Variants in RSRC1 observed in about 807,000 individuals in gnomAD.
RSRC1 encodes arginine and serine rich coiled-coil 1.
A neutral mutation model predicts 49.1 loss-of-function variants in RSRC1; 39 were observed. That is an observed-to-expected ratio of 0.79 (90% CI 0.61 to 1.04). The LOEUF (loss-of-function observed/expected upper bound fraction) is 1.04. Ranked by LOEUF, RSRC1 falls within the 50% of genes least tolerant of loss-of-function variation. RSRC1 has a pLI of 0.00. For synonymous variants in RSRC1, 143 were observed against 130.8 expected, an observed-to-expected ratio of 1.09 and a Z score of -0.63; for missense variants, 388 against 402.4, an observed-to-expected ratio of 0.96 and a Z score of 0.31.
chr3:158,428,946 C>T (rs1051642465), intron 6 of RSRC1, among the ~76,000 whole-genome samples: 8 of 151,788 alleles, frequency 5.3e-5, no homozygotes, highest in Admixed American at 4.6e-4. Flanking sequence ...TTATGCAGGT[C>T]GAAAGGCAGG....
intron 4 of RSRC1, among the ~76,000 whole-genome samples, chr3:158,223,888 C>G (rs1722365146): frequency 1.3e-5 from 2 of 151,638 alleles, no homozygotes; most frequent in African/African-American, 4.8e-5. Context: ...GGTTCTCATT[C>G]TCATTATTTA....
chr3:158,472,355 T>TA (rs1411989351), intron 7 of RSRC1, among the ~76,000 whole-genome samples: 1 of 152,134 alleles, frequency 6.6e-6, no homozygotes. Context: ...AAGCATCATG[T>TA]TTTTTAAATA....
At chr3:158,340,581 CT>C (rs1730181134) in intron 5 of RSRC1, among the ~76,000 whole-genome samples, 1 of 152,080 alleles carries the variant, frequency 6.6e-6, no homozygotes, top group African/African-American at 2.4e-5. Flanking sequence ...AAAGAAGTGC[CT>C]TTTGCCTCCC....
intron 4 of RSRC1, among the ~76,000 whole-genome samples, chr3:158,260,711 G>T (rs535135382): frequency 1.3e-5 from 2 of 152,164 alleles, no homozygotes; most frequent in Non-Finnish European, 2.9e-5. Context: ...AGCCCATATT[G>T]ACAGAGCTTG....
chr3:158,343,561 CTG>C (rs1474837745), intron 5 of RSRC1, among the ~76,000 whole-genome samples: 1 of 152,184 alleles, frequency 6.6e-6, no homozygotes, highest in East Asian at 1.9e-4. Flanking sequence ...GTTATTATAA[CTG>C]TATTGCACCT....
At chr3:158,190,488 A>G (rs1720174875) in intron 3 of RSRC1, among the ~76,000 whole-genome samples, 1 of 151,598 alleles carries the variant, frequency 6.6e-6, no homozygotes, top group South Asian at 2.1e-4. Flanking sequence ...ATAATTTAAT[A>G]TTCATTTCTG....
intron 7 of RSRC1, among the ~76,000 whole-genome samples, chr3:158,485,457 T>C (rs1342136163): frequency 2.4e-4 from 36 of 152,266 alleles, no homozygotes. Flanking sequence ...TCATAGCATC[T>C]ATTATCTCAC....
chr3:158,422,462 A>C (rs976590400), intron 6 of RSRC1, among the ~76,000 whole-genome samples: 4 of 150,964 alleles, frequency 2.6e-5, no homozygotes, highest in African/African-American at 4.9e-5. Context: ...CATTTTCTTA[A>C]TCCAGTCTAT....
intron 5 of RSRC1, among the ~76,000 whole-genome samples, chr3:158,311,551 A>G (rs895142341): frequency 8.6e-5 from 13 of 151,958 alleles, no homozygotes; most frequent in Non-Finnish European, 1.5e-4. Context: ...TAAAAAATAC[A>G]GCCCTCCCTA....
At chr3:158,132,751 G>A (rs1457964936) in intron 3 of RSRC1, among the ~76,000 whole-genome samples, 1 of 151,956 alleles carries the variant, frequency 6.6e-6, no homozygotes, top group African/African-American at 2.4e-5. Flanking sequence ...TCATTGTATT[G>A]CACTATTAAA....
chr3:158,461,109 T>C (rs1385679673), intron 7 of RSRC1, 106 bp downstream of exon 7: 4 of 663,532 alleles, frequency 6.0e-6, no homozygotes, highest in Middle Eastern at 5.3e-4. Context: ...TCATGCTGTT[T>C]CATGAACCAA....
chr3:158,150,745 G>C (rs1717479260), intron 3 of RSRC1, among the ~76,000 whole-genome samples: 1 of 152,182 alleles, frequency 6.6e-6, no homozygotes, highest in African/African-American at 2.4e-5. Flanking sequence ...TTGGAAATCT[G>C]TGGAGGTGCT....
intron 7 of RSRC1, among the ~76,000 whole-genome samples, chr3:158,462,421 C>T (rs535844409): frequency 2.0e-5 from 3 of 151,656 alleles, no homozygotes; most frequent in Non-Finnish European, 2.9e-5. Flanking sequence ...TCTGTGGTAC[C>T]GTAAATCACG....
intron 3 of RSRC1, among the ~76,000 whole-genome samples, chr3:158,147,825 T>TA (rs965716988): frequency 5.9e-5 from 9 of 152,226 alleles, no homozygotes; most frequent in African/African-American, 2.2e-4. Flanking sequence ...TAGGGAATCA[T>TA]ACTAATTCTG....
chr3:158,201,692 T>A (rs1471658199), intron 3 of RSRC1, among the ~76,000 whole-genome samples: 1 of 152,200 alleles, frequency 6.6e-6, no homozygotes, highest in Non-Finnish European at 1.5e-5. Context: ...ATTACAGAAT[T>A]TTTTTTCGTA....
chr3:158,412,922 A>G (rs1734535267), intron 6 of RSRC1, among the ~76,000 whole-genome samples: 1 of 152,326 alleles, frequency 6.6e-6, no homozygotes, highest in East Asian at 1.9e-4. Flanking sequence ...TGCCCAAGGT[A>G]ATTTATAGAT....
intron 7 of RSRC1, among the ~76,000 whole-genome samples, chr3:158,508,017 G>A (rs919846006): frequency 3.0e-4 from 46 of 152,120 alleles, no homozygotes; most frequent in Admixed American, 4.6e-4. Context: ...AGGCTGCAGT[G>A]AGCTATGATC....
At chr3:158,357,520 A>G (rs1178503518) in intron 6 of RSRC1, among the ~76,000 whole-genome samples, 2 of 152,196 alleles carry the variant, frequency 1.3e-5, no homozygotes, top group Non-Finnish European at 2.9e-5. Context: ...ATTGTTTTTA[A>G]TGAGAACTTG....
chr3:158,140,665 GTTC>G (rs1716687511), intron 3 of RSRC1, among the ~76,000 whole-genome samples: 1 of 152,082 alleles, frequency 6.6e-6, no homozygotes, highest in Admixed American at 6.6e-5. Flanking sequence ...TTCTACTTTT[GTTC>G]TTCTGCCAAT....
Sources: gnomAD v4.1 joint callset for allele counts (sites outside exome capture counted in the v4.1 genomes callset) on GRCh38, gnomAD v4.1.1 for gene constraint, MANE v1.5 for transcripts, NCBI Gene and HGNC (gene_info 2026-07-23, HGNC 2026-07-21) for gene names.